STK36: variants seen among roughly 807,000 people sequenced by gnomAD.
STK36 encodes the protein serine/threonine-protein kinase 36.
A neutral mutation model predicts 142.2 loss-of-function variants in STK36; 116 were observed. The observed-to-expected ratio is 0.82, with a 90% confidence interval of 0.70 to 0.95. The LOEUF is 0.95. Among genes scored for constraint, STK36 ranks in the 40% least tolerant of loss-of-function variants. STK36 has a pLI of 0.00. For missense variants in STK36, 1,422 were observed against 1,617.2 expected, an observed-to-expected ratio of 0.88 and a Z score of 2.07; for synonymous variants, 619 against 641.7, an observed-to-expected ratio of 0.96 and a Z score of 0.53.
At position 218,692,089 on chromosome 2, in the gene STK36, A is replaced by C. The variant is rs188693521; in HGVS notation, c.1765-54A>C. ...TCCTCAGGGTTTTCTTGTTTTTTAC[A>C]CTAAGCCCAGTCTTCTGATGCCCTG... On this transcript the variant is annotated intron_variant, in intron 14 of 26. Coordinates refer to ENST00000295709, the MANE Select transcript of STK36 (RefSeq NM_015690.5). 3,987 of 1,569,940 alleles carry C rather than the reference A, an allele frequency of 2.5e-3. 15 individuals are homozygous for C. Among genetic ancestry groups the C allele is most frequent in the Non-Finnish European group, 3.2e-3 (3,752 of 1,154,854 alleles).
intron 13 of STK36, 75 bp from the exon 14 acceptor site, chr2:218,690,375 C>T (rs1940950499): frequency 2.5e-6 from 3 of 1,214,664 alleles, no homozygotes; most frequent in Non-Finnish European, 3.7e-6. Flanking sequence ...CCTACCTGCC[C>T]AGGACTGACC....
intron 16 of STK36, 72 bp from the exon 17 acceptor site, chr2:218,693,168 A>G: frequency 7.6e-7 from 1 of 1,314,134 alleles, no homozygotes; most frequent in South Asian, 1.3e-5. Flanking sequence ...AGTCCTGATC[A>G]TTTTGGACAT....
In STK36 at chr2:218,672,185, G is replaced by T; in HGVS notation, c.-120G>T. 1 of 599,330 alleles carries T rather than the reference G, an allele frequency of 1.7e-6. No individual in the cohort carries two copies. The highest frequency in any genetic ancestry group is 3.0e-6 in the Non-Finnish European group (1 of 336,872). The allele number at this position is 599,330 out of a possible 1,614,324, so 37.1% of individuals were successfully genotyped here. On this transcript the variant is annotated 5_prime_UTR_variant, in exon 1 of 27. The change abolishes the stop of an existing upstream ORF in the 5' untranslated region. Transcript: ENST00000295709. ...ACACCTCTGAGCGCCTTTGTCCTCT[G>T]AACTTCTCACCAGTTCTAGCGAGTA...
chr2:218,675,396 C>T lies in STK36; in HGVS notation c.357C>T (p.His119=). 1 of 1,613,930 alleles carries T rather than the reference C, an allele frequency of 6.2e-7. No individual in the cohort carries two copies. The highest frequency in any genetic ancestry group is 8.5e-7 in the Non-Finnish European group (1 of 1,179,964). ...LVSALYYLHS[H]RILHRDMKPQ... ...CAGCCCTGTACTATCTGCATTCCCA[C>T]CGCATCCTACACCGAGATATGAAGC... is the stretch of plus-strand genomic sequence containing the variant. The change falls in exon 5 of 27, where the codon CAC becomes CAT. Residue 119 remains histidine, a synonymous_variant. Coordinates refer to ENST00000295709, the MANE Select transcript of STK36 (RefSeq NM_015690.5).
chr2:218,688,585 T>G (rs1226973511), intron 11 of STK36, 112 bp from the exon 12 acceptor site: 3 of 1,169,268 alleles, frequency 2.6e-6, no homozygotes, highest in Non-Finnish European at 3.7e-6. Context: ...AAGAAAGGAA[T>G]GCAAGCATGT....
intron 6 of STK36, among the ~76,000 whole-genome samples, chr2:218,676,779 G>A (rs1940271518): frequency 1.3e-5 from 2 of 151,934 alleles, no homozygotes; most frequent in Admixed American, 1.3e-4. Flanking sequence ...CTCCTGAGTA[G>A]CTGGGATTAC....
intron 14 of STK36, among the ~76,000 whole-genome samples, chr2:218,691,351 C>T (rs888859778): frequency 6.6e-6 from 1 of 152,180 alleles, no homozygotes; most frequent in African/African-American, 2.4e-5. Flanking sequence ...GTCTGAGATC[C>T]TGTTTTAATA....
In STK36 at chr2:218,679,927, A is replaced by G; in HGVS notation, c.983A>G (p.Glu328Gly). 1 of 1,614,142 alleles carries G rather than the reference A, an allele frequency of 6.2e-7. No homozygotes were observed. The highest frequency in any genetic ancestry group is 8.5e-7 in the Non-Finnish European group (1 of 1,179,992). Residue 328 changes from glutamate (E) to glycine (G), a missense_variant, in exon 9 of 27, where the codon GAG (glutamate) becomes GGG (glycine). Transcript: ENST00000295709. ...HQNTGPALEQ[E>G]DKTSKVAPGT... Reference sequence around the variant, plus strand: ...AACACAGGACCTGCCCTTGAGCAAGAGGACAAGACCAGCAAGGTGGCTCCT... The same window carrying G: ...AACACAGGACCTGCCCTTGAGCAAGGGGACAAGACCAGCAAGGTGGCTCCT...
At position 218,675,397 on chromosome 2, in the gene STK36, C is replaced by T. The variant is rs375562437; in HGVS notation, c.358C>T (p.Arg120Cys). The T allele has an allele frequency of 3.2e-5, 51 of 1,613,734 alleles. No individual in the cohort carries two copies. Among genetic ancestry groups the T allele is most frequent in the African/African-American group, 3.1e-4 (23 of 74,890 alleles). Residue 120 changes from arginine (R) to cysteine (C), a missense_variant, in exon 5 of 27, where the codon CGC (arginine) becomes TGC (cysteine). Coordinates refer to ENST00000295709, the MANE Select transcript of STK36 (RefSeq NM_015690.5). ...AGCCCTGTACTATCTGCATTCCCAC[C>T]GCATCCTACACCGAGATATGAAGCC... ...VSALYYLHSH[R>C]ILHRDMKPQN...
chr2:218,700,935 C>T (rs1013029838), intron 26 of STK36, among the ~76,000 whole-genome samples: 37 of 150,244 alleles, frequency 2.5e-4, no homozygotes, highest in Non-Finnish European at 4.4e-4. Context: ...TCCCTTGAAC[C>T]TGGGAGGAGG....
chr2:218,672,115 G>C lies in STK36; in HGVS notation c.-190G>C, dbSNP rs1387051934. 11 of 956,588 alleles carry C rather than the reference G, an allele frequency of 1.1e-5. No homozygotes were observed. Among genetic ancestry groups the C allele is most frequent in the Non-Finnish European group, 1.3e-5 (8 of 620,650 alleles). The allele number at this position is 956,588 out of a possible 1,614,324, so 59.3% of individuals were successfully genotyped here. On this transcript the variant is annotated 5_prime_UTR_variant, in exon 1 of 27. Coordinates refer to ENST00000295709, the MANE Select transcript of STK36 (RefSeq NM_015690.5). ...GGGCCTGATGGCCCTGAGGCAGTTCGGATGTGTCCCAGGAAGTGCCCATGT... is the reference window on the plus strand; with the variant it reads ...GGGCCTGATGGCCCTGAGGCAGTTCCGATGTGTCCCAGGAAGTGCCCATGT...
Position 218,693,243 on chromosome 2 carries a change from T to A in STK36, c.2047T>A (p.Cys683Ser). 1 of 1,614,192 alleles carries A rather than the reference T, an allele frequency of 6.2e-7. No homozygotes were observed. Among genetic ancestry groups the A allele is most frequent in the Non-Finnish European group, 8.5e-7 (1 of 1,180,020 alleles). ...GCCTTCAGGTATGTCTCTATAGGTC[T>A]GTTGGCATTTGGCAAATCAGCTAAC... Reference protein sequence around the residue: ...PDCWDAKEQVCWHLANQLTED... With the variant: ...PDCWDAKEQVSWHLANQLTED... The change falls in exon 17 of 27, where the codon TGT becomes AGT. Residue 683 changes from cysteine to serine, a missense_variant. By Grantham distance (112) the Cys-to-Ser change is moderately radical. This residue lies in a region of STK36 where 962 missense variants were observed against 1,167.5 expected (regional missense o/e 0.82). Coordinates refer to ENST00000295709, the MANE Select transcript of STK36 (RefSeq NM_015690.5).
chr2:218,678,738 G>A (rs1310300258), intron 6 of STK36, among the ~76,000 whole-genome samples: 1 of 152,128 alleles, frequency 6.6e-6, no homozygotes, highest in Non-Finnish European at 1.5e-5. Flanking sequence ...TGAATTACTT[G>A]TAACCAAAAA....
chr2:218,687,922 C>T (rs60089063), intron 11 of STK36, among the ~76,000 whole-genome samples: 1 of 152,188 alleles, frequency 6.6e-6, no homozygotes, highest in East Asian at 1.9e-4. Flanking sequence ...CTTTGGGAGG[C>T]TGAGGTGGGA....
chr2:218,688,619 G>C, intron 11 of STK36, 78 bp from the exon 12 acceptor site: 1 of 1,489,828 alleles, frequency 6.7e-7, no homozygotes, highest in South Asian at 1.3e-5. Flanking sequence ...AGCTCCTTGG[G>C]GATGCTTGGT....
chr2:218,682,983 G>T (rs1417146295), intron 10 of STK36, among the ~76,000 whole-genome samples: 1 of 152,048 alleles, frequency 6.6e-6, no homozygotes, highest in African/African-American at 2.4e-5. Flanking sequence ...TAGTTTTGAG[G>T]TACACGTCAG....
chr2:218,672,996 T>C (rs1174747649), intron 2 of STK36, 83 bp downstream of exon 2: 31 of 1,265,876 alleles, frequency 2.4e-5, no homozygotes, highest in Non-Finnish European at 3.5e-5. Flanking sequence ...GGAATGTATT[T>C]ATACCAGTTT....
chr2:218,684,954 A>G, intron 10 of STK36, 131 bp from the exon 11 acceptor site: 2 of 1,117,910 alleles, frequency 1.8e-6, no homozygotes, highest in Non-Finnish European at 2.5e-6. Context: ...GACTGAAGAT[A>G]TACATCTGTG....
intron 26 of STK36, among the ~76,000 whole-genome samples, chr2:218,699,773 C>T (rs1227764862): frequency 6.6e-6 from 1 of 152,106 alleles, no homozygotes; most frequent in African/African-American, 2.4e-5. Context: ...CCTAATTTTG[C>T]AGATGAGGAA....
Sources: allele counts gnomAD v4.1 joint callset (sites outside exome capture counted in the v4.1 genomes callset), GRCh38; gene constraint gnomAD v4.1.1; regional missense constraint gnomAD v4.1.1; transcripts MANE v1.5; gene names NCBI Gene and HGNC (gene_info 2026-07-23, HGNC 2026-07-21).